PCED1B: variants seen among roughly 807,000 people sequenced by gnomAD.
PCED1B encodes PC-esterase domain-containing protein 1B.
For missense variants in PCED1B, 573 were observed against 573.9 expected (o/e 1.00, Z 0.02); for synonymous variants, 251 against 246.1 (o/e 1.02, Z -0.19).
intron 2 of PCED1B, among the ~76,000 whole-genome samples, chr12:47,106,810 C>T (rs1306832555): frequency 6.6e-6 from 1 of 152,048 alleles, no homozygotes; most frequent in African/African-American, 2.4e-5. Context: ...TTGTCAGTCT[C>T]TGCCTCTCAT....
intron 2 of PCED1B, among the ~76,000 whole-genome samples, chr12:47,201,549 A>G (rs1942764561): frequency 6.6e-6 from 1 of 152,152 alleles, no homozygotes; most frequent in Non-Finnish European, 1.5e-5. Flanking sequence ...GGGCGTTACA[A>G]TACTGCCCAG....
At chr12:47,135,768 A>G (rs1276904544) in intron 2 of PCED1B, 3 of 526,822 alleles carry the variant, frequency 5.7e-6, no homozygotes, top group Admixed American at 3.9e-5. Context: ...GATGTGGATC[A>G]TGGTGAACGC....
At chr12:47,225,601 T>C (rs1219084234) in intron 3 of PCED1B, among the ~76,000 whole-genome samples, 4 of 152,354 alleles carry the variant, frequency 2.6e-5, no homozygotes, top group Admixed American at 6.5e-5. Context: ...AATAATTCTT[T>C]ATCTGTACCA....
At chr12:47,157,303 C>A (rs1941225042) in intron 2 of PCED1B, among the ~76,000 whole-genome samples, 1 of 152,176 alleles carries the variant, frequency 6.6e-6, no homozygotes, top group Non-Finnish European at 1.5e-5. Context: ...CAGAAACCAT[C>A]TGTGGTTGGG....
At chr12:47,141,074 G>A (rs1468550517) in intron 2 of PCED1B, among the ~76,000 whole-genome samples, 2 of 152,208 alleles carry the variant, frequency 1.3e-5, no homozygotes, top group Non-Finnish European at 2.9e-5. Flanking sequence ...TTTCAGCTGT[G>A]CAAGCAGCAG....
At chr12:47,103,494 T>C (rs1381377452) in intron 1 of PCED1B, among the ~76,000 whole-genome samples, 1 of 152,226 alleles carries the variant, frequency 6.6e-6, no homozygotes, top group African/African-American at 2.4e-5. Context: ...TTTATGACCA[T>C]TTTAATAGCA....
chr12:47,149,954 T>C (rs1295950639), intron 2 of PCED1B, among the ~76,000 whole-genome samples: 2 of 152,084 alleles, frequency 1.3e-5, no homozygotes, highest in Non-Finnish European at 2.9e-5. Context: ...TTTTAACCCA[T>C]CCCCTCAAGC....
At chr12:47,228,671 A>G (rs981533077) in intron 3 of PCED1B, among the ~76,000 whole-genome samples, 1 of 152,006 alleles carries the variant, frequency 6.6e-6, no homozygotes, top group Non-Finnish European at 1.5e-5. Flanking sequence ...GGAGTTCAAG[A>G]CCAGCCTGGC....
chr12:47,156,453 T>G lies in PCED1B; in HGVS notation c.-526+52258T>G, dbSNP rs115754858. Among the ~76,000 whole-genome samples the G allele has an allele frequency of 5.0e-3, 758 of 152,238 alleles. 6 individuals are homozygous for G. The highest frequency in any genetic ancestry group is 0.017 in the African/African-American group (691 of 41,542). ...CAAATGTGTCCTTTTCTCACAAGGT[T>G]CCAGTCTTGCTCCCTGCTTCTCAAG... On this transcript the variant is annotated intron_variant, in intron 2 of 3. Coordinates refer to ENST00000546455, the MANE Select transcript of PCED1B (RefSeq NM_138371.3).
chr12:47,189,753 A>G (rs183228206), intron 2 of PCED1B, among the ~76,000 whole-genome samples: 3 of 152,392 alleles, frequency 2.0e-5, no homozygotes, highest in Non-Finnish European at 4.4e-5. Flanking sequence ...AACATGGACT[A>G]GGAGCCAAAC....
At chr12:47,223,027 C>A (rs535529966) in intron 3 of PCED1B, among the ~76,000 whole-genome samples, 60 of 151,816 alleles carry the variant, frequency 4.0e-4, no homozygotes, top group Non-Finnish European at 7.2e-4. Context: ...GGTGGACACA[C>A]GAGGATAAGA....
intron 1 of PCED1B, among the ~76,000 whole-genome samples, chr12:47,099,036 T>C (rs1221922751): frequency 6.6e-6 from 1 of 152,202 alleles, no homozygotes; most frequent in African/African-American, 2.4e-5. Flanking sequence ...CAGCCACCAC[T>C]CATCTCTGAC....
rs1250654276 is a variant in PCED1B, at chr12:47,235,134, CTG to C, written c.74_75del (p.Val25AlafsTer2). 7 of 1,546,494 alleles carry C rather than the reference CTG, an allele frequency of 4.5e-6. No individual in the cohort carries two copies. Among genetic ancestry groups the C allele is most frequent in the Non-Finnish European group, 6.1e-6 (7 of 1,147,130 alleles). On this transcript the variant is annotated frameshift_variant, in exon 4 of 4. Coordinates refer to ENST00000546455, the MANE Select transcript of PCED1B (RefSeq NM_138371.3). LOFTEE classifies it low-confidence loss of function (END_TRUNC). ...AAGTTCGTGGTCATCCTGGGGGACT[CTG>C]TGCATAGGGCAGTATACAAGGACCT... is the stretch of plus-strand genomic sequence containing the variant.
intron 1 of PCED1B, among the ~76,000 whole-genome samples, chr12:47,091,794 A>G (rs1004160966): frequency 6.6e-6 from 1 of 152,088 alleles, no homozygotes; most frequent in African/African-American, 2.4e-5. Context: ...TATCTGAAAG[A>G]TTATCCTTTT....
intron 1 of PCED1B, among the ~76,000 whole-genome samples, chr12:47,081,584 G>A (rs888777096): frequency 6.6e-6 from 1 of 152,220 alleles, no homozygotes; most frequent in African/African-American, 2.4e-5. Context: ...TGTACTTAAA[G>A]GGGAGAGGCA....
intron 2 of PCED1B, among the ~76,000 whole-genome samples, chr12:47,170,905 TATTA>T (rs1310800974): frequency 2.8e-4 from 43 of 152,248 alleles, no homozygotes; most frequent in Admixed American, 1.3e-4. Context: ...CTCATTTTCT[TATTA>T]ATTATCTTCC....
At chr12:47,105,539 G>A (rs1196229571) in intron 2 of PCED1B, among the ~76,000 whole-genome samples, 1 of 152,142 alleles carries the variant, frequency 6.6e-6, no homozygotes, top group Non-Finnish European at 1.5e-5. Flanking sequence ...ATTACTTAGC[G>A]GACTAGGGCC....
chr12:47,213,544 G>A (rs1202761488), intron 2 of PCED1B, among the ~76,000 whole-genome samples: 1 of 152,104 alleles, frequency 6.6e-6, no homozygotes, highest in Non-Finnish European at 1.5e-5. Flanking sequence ...AAAAATAATT[G>A]CGTTCCTTAA....
intron 2 of PCED1B, among the ~76,000 whole-genome samples, chr12:47,181,209 T>G (rs1942084416): frequency 6.6e-6 from 1 of 151,884 alleles, no homozygotes; most frequent in Non-Finnish European, 1.5e-5. Flanking sequence ...GGTCTTGAAC[T>G]CCTGGCCTCA....
Sources: allele counts gnomAD v4.1 joint callset (sites outside exome capture counted in the v4.1 genomes callset), GRCh38; gene constraint gnomAD v4.1.1; transcripts MANE v1.5; gene names NCBI Gene and HGNC (gene_info 2026-07-23, HGNC 2026-07-21).